TRPS1: variants seen among roughly 807,000 people sequenced by gnomAD.
TRPS1 encodes transcriptional repressor GATA binding 1.
In TRPS1, 6 loss-of-function variants were observed where a neutral mutation model predicts 101.2. The ratio of observed to expected loss-of-function variants is 0.06; its 90% CI spans 0.03 to 0.12. The LOEUF (loss-of-function observed/expected upper bound fraction) is 0.12. Ranked by LOEUF, TRPS1 falls within the 10% of genes least tolerant of loss-of-function variation. TRPS1 has a pLI of 1.00. For missense variants in TRPS1, 1,363 were observed against 1,567.0 expected, an observed-to-expected ratio of 0.87 and a Z score of 2.20; for synonymous variants, 578 against 589.8, an observed-to-expected ratio of 0.98 and a Z score of 0.29.
chr8:115,463,741 T>A (rs1814248075), intron 5 of TRPS1, among the ~76,000 whole-genome samples: 1 of 152,092 alleles, frequency 6.6e-6, no homozygotes, highest in South Asian at 2.1e-4. Flanking sequence ...TTTAATAAAT[T>A]AATATTTTGA....
intron 5 of TRPS1, among the ~76,000 whole-genome samples, chr8:115,494,488 G>A (rs982172953): frequency 6.6e-6 from 1 of 152,234 alleles, no homozygotes; most frequent in East Asian, 1.9e-4. Context: ...CTTACGCCAA[G>A]AGGGTAGGAG....
At chr8:115,529,859 C>G (rs1271488555) in intron 5 of TRPS1, among the ~76,000 whole-genome samples, 1 of 152,094 alleles carries the variant, frequency 6.6e-6, no homozygotes, top group Non-Finnish European at 1.5e-5. Context: ...CCTCAACATT[C>G]AGAGGATGCT....
chr8:115,635,774 A>G (rs1243271339), intron 1 of TRPS1, among the ~76,000 whole-genome samples: 1 of 152,146 alleles, frequency 6.6e-6, no homozygotes, highest in East Asian at 1.9e-4. Flanking sequence ...TTCTTAAGGG[A>G]ACTGAGACAA....
chr8:115,467,072 T>C (rs1228318506), intron 5 of TRPS1, among the ~76,000 whole-genome samples: 1 of 152,168 alleles, frequency 6.6e-6, no homozygotes, highest in Non-Finnish European at 1.5e-5. Flanking sequence ...GTTTGAATTT[T>C]CTTAAAGAAA....
chr8:115,544,452 C>T (rs1426367844), intron 5 of TRPS1, among the ~76,000 whole-genome samples: 2 of 151,930 alleles, frequency 1.3e-5, no homozygotes, highest in Non-Finnish European at 2.9e-5. Flanking sequence ...ACCTCCCTGG[C>T]ATCTGCTGAG....
At chr8:115,533,658 T>C (rs1816207205) in intron 5 of TRPS1, among the ~76,000 whole-genome samples, 1 of 152,022 alleles carries the variant, frequency 6.6e-6, no homozygotes, top group African/African-American at 2.4e-5. Flanking sequence ...GAACATGGTG[T>C]CTTAGTCTGC....
chr8:115,614,748 A>T (rs1390842117), intron 3 of TRPS1, among the ~76,000 whole-genome samples: 6 of 152,216 alleles, frequency 3.9e-5, no homozygotes, highest in Non-Finnish European at 8.8e-5. Flanking sequence ...ACCTGCTAAG[A>T]TCTACAACTT....
In TRPS1 at chr8:115,575,104, C is replaced by T. The variant is rs116930324; in HGVS notation, c.2700+11897G>A. 1.1e-4 allele frequency among the ~76,000 whole-genome samples: 16 copies of T among 152,122 alleles called. No individual in the cohort carries two copies. The East Asian group carries it at 2.7e-3, about 26-fold the overall frequency. ...CCATAGAGGAGCCTGACTGTTGGGACGCCAATTCTCAAAATTTAAAATCGC... is the reference window on the plus strand; with the variant it reads ...CCATAGAGGAGCCTGACTGTTGGGATGCCAATTCTCAAAATTTAAAATCGC... On this transcript the variant is annotated intron_variant, in intron 5 of 6. Transcript: ENST00000395715.
At chr8:115,635,019 G>C (rs1818736070) in intron 1 of TRPS1, among the ~76,000 whole-genome samples, 1 of 152,098 alleles carries the variant, frequency 6.6e-6, no homozygotes, top group African/African-American at 2.4e-5. Flanking sequence ...ATGAACCCTG[G>C]CAGGTAATCC....
intron 5 of TRPS1, among the ~76,000 whole-genome samples, chr8:115,442,550 C>CGCGTGTGT (rs1813625252): frequency 6.9e-6 from 1 of 145,102 alleles, no homozygotes; most frequent in African/African-American, 2.5e-5. Context: ...AAGTATGGTG[C>CGCGTGTGT]GTGTGTGTGT....
chr8:115,470,135 T>C (rs1814430750), intron 5 of TRPS1, among the ~76,000 whole-genome samples: 1 of 152,194 alleles, frequency 6.6e-6, no homozygotes, highest in Admixed American at 6.5e-5. Context: ...TTTGATGCAT[T>C]TGCCTTTTTT....
At chr8:115,443,027 C>T (rs982094627) in intron 5 of TRPS1, among the ~76,000 whole-genome samples, 6 of 151,472 alleles carry the variant, frequency 4.0e-5, no homozygotes, top group Non-Finnish European at 5.9e-5. Context: ...ACTTGGGAGG[C>T]GGAGCTTGCA....
At chr8:115,484,792 C>A (rs1814837565) in intron 5 of TRPS1, among the ~76,000 whole-genome samples, 2 of 152,164 alleles carry the variant, frequency 1.3e-5, no homozygotes, top group Admixed American at 6.5e-5. Flanking sequence ...GTGCTTGATG[C>A]ACTTCAGGAA....
At chr8:115,662,234 C>A (rs1811816707) in intron 1 of TRPS1, among the ~76,000 whole-genome samples, 2 of 151,844 alleles carry the variant, frequency 1.3e-5, no homozygotes, top group South Asian at 4.1e-4. Flanking sequence ...CCCAAATTTG[C>A]GGAATGCTTT....
chr8:115,533,964 A>G (rs1816215283), intron 5 of TRPS1, among the ~76,000 whole-genome samples: 1 of 152,186 alleles, frequency 6.6e-6, no homozygotes, highest in Admixed American at 6.5e-5. Context: ...ACATCTTAAA[A>G]GCCCCATCCC....
chr8:115,563,118 T>A (rs1169799411), intron 5 of TRPS1, among the ~76,000 whole-genome samples: 1 of 152,048 alleles, frequency 6.6e-6, no homozygotes, highest in Non-Finnish European at 1.5e-5. Flanking sequence ...CCACTAGCAA[T>A]GACTGTATAA....
chr8:115,648,662 AT>A (rs1328577614), intron 1 of TRPS1, among the ~76,000 whole-genome samples: 1 of 149,060 alleles, frequency 6.7e-6, no homozygotes, highest in Admixed American at 6.7e-5. Flanking sequence ...AAAAGGAAAA[AT>A]TTTTTTAAAG....
At chr8:115,529,093 T>C (rs1372857211) in intron 5 of TRPS1, among the ~76,000 whole-genome samples, 1 of 151,924 alleles carries the variant, frequency 6.6e-6, no homozygotes, top group Non-Finnish European at 1.5e-5. Flanking sequence ...GCTGAGGCAG[T>C]GACACAGGGA....
rs78614344 is a variant in TRPS1, at chr8:115,452,823, G to A, written c.2701-34371C>T. 6.2e-3 allele frequency among the ~76,000 whole-genome samples: 946 copies of A among 152,200 alleles called. 4 individuals are homozygous for A. Among genetic ancestry groups the A allele is most frequent in the Middle Eastern group, 0.014 (4 of 294 alleles). ...TCATTTTAGTTGAAACTGAGAAAAC[G>A]AATGTCTCTTTTACCTAAATCATTT... is the stretch of plus-strand genomic sequence containing the variant. On this transcript the variant is annotated intron_variant, in intron 5 of 6. Transcript: ENST00000395715.
Sources: allele counts gnomAD v4.1 joint callset (sites outside exome capture counted in the v4.1 genomes callset), GRCh38; gene constraint gnomAD v4.1.1; transcripts MANE v1.5; gene names NCBI Gene and HGNC (gene_info 2026-07-23, HGNC 2026-07-21).